The following MARCHF4 variants were observed in gnomAD, a reference collection of about 807,000 sequenced individuals.
MARCHF4 encodes E3 ubiquitin-protein ligase MARCHF4.
Under a neutral mutation model 43.9 loss-of-function variants are expected in MARCHF4, and 14 were observed. That is an observed-to-expected ratio of 0.32 (90% CI 0.21 to 0.50). The LOEUF is 0.50. Among genes scored for constraint, MARCHF4 ranks in the 20% least tolerant of loss-of-function variants. The pLI, the probability that MARCHF4 is intolerant of heterozygous loss-of-function variation, is 0.98. For synonymous variants in MARCHF4, 226 were observed against 213.3 expected (o/e 1.06, Z -0.52); for missense variants, 468 against 536.7 (o/e 0.87, Z 1.27).
chr2:216,350,403 C>T lies in MARCHF4; in HGVS notation c.516+19342G>A, dbSNP rs113879463. The stretch of plus-strand genomic sequence containing the variant: ...CCACATCCCTCACCATGCCACAACC[C>T]CTCACCATGCCACACCCCCTCACTA... On this transcript the variant is annotated intron_variant, in intron 1 of 3. Coordinates refer to ENST00000273067, the MANE Select transcript of MARCHF4 (RefSeq NM_020814.3). 4.7e-3 allele frequency among the ~76,000 whole-genome samples: 707 copies of T among 148,984 alleles called. 4 individuals are homozygous for T. The highest frequency in any genetic ancestry group is 7.8e-3 in the Non-Finnish European group (522 of 67,148).
intron 1 of MARCHF4, among the ~76,000 whole-genome samples, chr2:216,300,844 C>T (rs1022524005): frequency 2.0e-5 from 3 of 152,090 alleles, no homozygotes; most frequent in African/African-American, 7.2e-5. Flanking sequence ...GTTCCTGGGA[C>T]CATCAAGTTG....
intron 1 of MARCHF4, among the ~76,000 whole-genome samples, chr2:216,354,914 T>TCTTCCTTC (rs1491398699): frequency 6.9e-5 from 7 of 100,842 alleles, no homozygotes; most frequent in South Asian, 8.5e-4. Flanking sequence ...TTTCTTTCTT[T>TCTTCCTTC]CTTTCTTTCT....
intron 1 of MARCHF4, among the ~76,000 whole-genome samples, chr2:216,369,054 C>T (rs1293872147): frequency 6.6e-6 from 1 of 152,206 alleles, no homozygotes; most frequent in Non-Finnish European, 1.5e-5. Flanking sequence ...TAGCAAGATA[C>T]CTTATTGCCT....
rs1271053622 is a variant in MARCHF4 at position 216,320,662 on chromosome 2, TCTTTCTTTCTTTC to T, written c.517-36946_517-36934del. On this transcript the variant is annotated intron_variant, in intron 1 of 3. Transcript: ENST00000273067. ...TTCTTTCTTTCTTTCTTTCTTTCTT[TCTTTCTTTCTTTC>T]TTTTTTTTTTTTTGAGATGGAGTCC... 6.9e-3 allele frequency among the ~76,000 whole-genome samples: 837 copies of T among 121,358 alleles called. 10 individuals are homozygous for T. The highest frequency in any genetic ancestry group is 0.019 in the African/African-American group (491 of 25,690). 79.6% of individuals were successfully genotyped at this position (121,358 alleles called of 152,430 possible).
chr2:216,309,923 C>T (rs1454177210), intron 1 of MARCHF4, among the ~76,000 whole-genome samples: 7 of 152,114 alleles, frequency 4.6e-5, no homozygotes, highest in South Asian at 2.1e-4. Context: ...TCCCTGATTC[C>T]GAAGCCCAAT....
chr2:216,329,022 C>T (rs563055105), intron 1 of MARCHF4, among the ~76,000 whole-genome samples: 1 of 152,030 alleles, frequency 6.6e-6, no homozygotes, highest in South Asian at 2.1e-4. Context: ...GAAATTCCGT[C>T]TCAGAAAAAC....
rs143999996 is a variant in MARCHF4, at chr2:216,274,279, G to A, written c.865+3393C>T. Among the ~76,000 whole-genome samples, 1,223 of 152,248 alleles carry A rather than the reference G, an allele frequency of 8.0e-3. 9 individuals carry two copies. Among genetic ancestry groups the A allele is most frequent in the Non-Finnish European group, 0.013 (859 of 68,018 alleles). ...GAGGACTCCCTGCAGAGGTAAGCCC[G>A]ACTTGCCATCCCAGAGGCTGTGGTT... is the stretch of plus-strand genomic sequence containing the variant. On this transcript the variant is annotated intron_variant, in intron 3 of 3. Coordinates refer to ENST00000273067, the MANE Select transcript of MARCHF4 (RefSeq NM_020814.3).
At chr2:216,339,197 A>G (rs4674076) in intron 1 of MARCHF4, among the ~76,000 whole-genome samples, 84,802 of 152,070 alleles carry the variant, frequency 0.56, 25,112 homozygotes, top group East Asian at 0.78. Flanking sequence ...CTTTCCTGGC[A>G]CCCAACAGCA....
rs1220308474 is a variant in MARCHF4 at position 216,370,877 on chromosome 2, A to C, written c.-617T>G. 2 of 151,784 alleles carry C rather than the reference A, an allele frequency of 1.3e-5. No homozygotes were observed. The highest frequency in any genetic ancestry group is 1.3e-4 in the Admixed American group (2 of 15,244). The allele number at this position is 151,784 out of a possible 1,614,324, so 9.4% of individuals were successfully genotyped here. On this transcript the variant is annotated 5_prime_UTR_variant, in exon 1 of 4. Transcript: ENST00000273067. The stretch of plus-strand genomic sequence containing the variant: ...GGGAGTCAAGGTAGGGGAGGAGAGA[A>C]GATTGGGAGAAGTTTTAATTCTCCT...
intron 1 of MARCHF4, among the ~76,000 whole-genome samples, chr2:216,318,361 T>C (rs1240485088): frequency 1.3e-5 from 2 of 152,102 alleles, no homozygotes; most frequent in Non-Finnish European, 2.9e-5. Flanking sequence ...AGTGAACAAA[T>C]CAAACAAAGC....
At chr2:216,338,848 C>T (rs1041109894) in intron 1 of MARCHF4, among the ~76,000 whole-genome samples, 1 of 152,106 alleles carries the variant, frequency 6.6e-6, no homozygotes, top group African/African-American at 2.4e-5. Flanking sequence ...GGTCTTCAAA[C>T]GTATCATCTC....
At chr2:216,288,098 G>A (rs544118183) in intron 1 of MARCHF4, among the ~76,000 whole-genome samples, 1 of 152,274 alleles carries the variant, frequency 6.6e-6, no homozygotes, top group South Asian at 2.1e-4. Flanking sequence ...GAGTAGCTGG[G>A]ACTACAGGCA....
intron 1 of MARCHF4, among the ~76,000 whole-genome samples, chr2:216,337,662 C>T (rs1415978274): frequency 1.3e-5 from 2 of 152,232 alleles, no homozygotes; most frequent in Non-Finnish European, 1.5e-5. Context: ...CACTGTGCCT[C>T]TCTCCAAGTC....
chr2:216,342,647 G>C (rs563371573), intron 1 of MARCHF4, among the ~76,000 whole-genome samples: 1 of 152,128 alleles, frequency 6.6e-6, no homozygotes, highest in South Asian at 2.1e-4. Context: ...CTTGTGGGAG[G>C]AATGAGTGGA....
intron 1 of MARCHF4, among the ~76,000 whole-genome samples, chr2:216,293,630 A>AGACTGACCTGCTCTCAGTTCT (rs1249911895): frequency 7.3e-6 from 1 of 137,356 alleles, no homozygotes. Context: ...TCCAAGCCAA[A>AGACTGACCTGCTCTCAGTTCT]CCCTCCAAAC....
intron 3 of MARCHF4, 100 bp from the exon 4 acceptor site, chr2:216,259,779 T>G: frequency 7.4e-6 from 9 of 1,209,488 alleles, no homozygotes; most frequent in Non-Finnish European, 1.1e-5. Flanking sequence ...GTATGGGCAA[T>G]GGCTCCAGTG....
chr2:216,368,347 G>T (rs1021402007), intron 1 of MARCHF4, among the ~76,000 whole-genome samples: 2 of 152,154 alleles, frequency 1.3e-5, no homozygotes, highest in South Asian at 4.1e-4. Context: ...GCACTCTGGA[G>T]GATTTTTCCT....
In MARCHF4 at chr2:216,361,998, C is replaced by A. The variant is rs143981387; in HGVS notation, c.516+7747G>T. On this transcript the variant is annotated intron_variant, in intron 1 of 3. Transcript: ENST00000273067. Reference sequence around the variant, plus strand: ...ATCTCTGTTTTATAAACAATAAAATCTAGGTCCAGGGAGGTTAAATAAGTT... The same window carrying A: ...ATCTCTGTTTTATAAACAATAAAATATAGGTCCAGGGAGGTTAAATAAGTT... 1.1e-4 allele frequency among the ~76,000 whole-genome samples: 16 copies of A among 152,304 alleles called. No homozygotes were observed. In the East Asian group the frequency reaches 2.9e-3, roughly 28 times the overall value.
intron 1 of MARCHF4, among the ~76,000 whole-genome samples, chr2:216,340,321 A>T (rs1692217680): frequency 6.6e-6 from 1 of 152,132 alleles, no homozygotes; most frequent in Non-Finnish European, 1.5e-5. Flanking sequence ...TGTTGAATTT[A>T]GGGTGACACA....
Sources: allele counts gnomAD v4.1 joint callset (sites outside exome capture counted in the v4.1 genomes callset), GRCh38; gene constraint gnomAD v4.1.1; transcripts MANE v1.5; gene names NCBI Gene and HGNC (gene_info 2026-07-23, HGNC 2026-07-21).